The following ANTXR2 variants were observed in gnomAD, a reference collection of about 807,000 sequenced individuals.
ANTXR2 encodes the protein ANTXR cell adhesion molecule 2.
Under a neutral mutation model 73.7 loss-of-function variants are expected in ANTXR2, and 44 were observed. The observed-to-expected ratio is 0.60, with a 90% CI of 0.47 to 0.77. ANTXR2 has a LOEUF of 0.77. ANTXR2 is among the 30% of genes least tolerant of loss of function. The probability of loss-of-function intolerance (pLI) is 0.00; values close to 1 mark genes in which losing one functional copy is unlikely to be tolerated. For missense variants in ANTXR2, 604 were observed against 592.5 expected, an observed-to-expected ratio of 1.02 and a Z score of -0.20; for synonymous variants, 217 against 205.9, an observed-to-expected ratio of 1.05 and a Z score of -0.46.
At chr4:80,063,105 C>T (rs945796999) in intron 3 of ANTXR2, among the ~76,000 whole-genome samples, 4 of 152,126 alleles carry the variant, frequency 2.6e-5, no homozygotes, top group Admixed American at 6.5e-5. Flanking sequence ...GTTATAAATA[C>T]CCATTGTGTT....
chr4:80,056,053 G>A (rs1436988990), intron 3 of ANTXR2, 40 bp from the exon 4 acceptor site: 2 of 1,376,732 alleles, frequency 1.5e-6, no homozygotes, highest in Admixed American at 2.5e-5. Flanking sequence ...TGAGCAAAGA[G>A]CAAAGGTAAC....
At chr4:79,948,756 A>G (rs1309112907) in intron 16 of ANTXR2, among the ~76,000 whole-genome samples, 1 of 152,122 alleles carries the variant, frequency 6.6e-6, no homozygotes, top group Non-Finnish European at 1.5e-5. Context: ...AATGCAAAGA[A>G]GGAGAAGGAA....
chr4:79,977,672 C>A lies in ANTXR2; in HGVS notation c.1377G>T (p.Leu459Phe). ...KGRLDALWAL[L>F]RRQYDRVSLM... is the part of the protein sequence containing the mutation. ...AAGAAACCCGGTCATACTGCCGCCTCAACAAAGCCCAGAGAGCATCAAGAC... is the reference window on the plus strand; with the variant it reads ...AAGAAACCCGGTCATACTGCCGCCTAAACAAAGCCCAGAGAGCATCAAGAC... The change falls in exon 16 of 17, where the codon TTG becomes TTT. Residue 459 changes from leucine to phenylalanine, a missense_variant. Physicochemically the swap from Leu to Phe is conservative, Grantham distance 22. Transcript: ENST00000403729. The A allele has an allele frequency of 3.2e-6, 5 of 1,580,684 alleles. No homozygotes were observed. Among genetic ancestry groups the A allele is most frequent in the Admixed American group, 1.8e-5 (1 of 55,014 alleles).
At position 80,055,232 on chromosome 4, in the gene ANTXR2, G is replaced by T. The variant is rs746734629; in HGVS notation, c.487-14C>A. On this transcript the variant is annotated splice_polypyrimidine_tract_variant and intron_variant, in intron 5 of 16. Transcript: ENST00000403729. The stretch of plus-strand genomic sequence containing the variant: ...GGATATCTTTGCCTATGGAGAATGA[G>T]GAGGGAAAGAGAGAAAAAAAGAGAG... The T allele has an allele frequency of 6.4e-7, 1 of 1,563,458 alleles. No homozygotes were observed. Among genetic ancestry groups the T allele is most frequent in the South Asian group, 1.2e-5 (1 of 85,426 alleles).
intron 16 of ANTXR2, among the ~76,000 whole-genome samples, chr4:79,953,696 TC>T (rs1728787955): frequency 6.6e-6 from 1 of 152,084 alleles, no homozygotes; most frequent in African/African-American, 2.4e-5. Context: ...TAATTATATT[TC>T]TTTTTTTTAA....
At chr4:79,950,497 C>A (rs991531987) in intron 16 of ANTXR2, among the ~76,000 whole-genome samples, 2 of 152,190 alleles carry the variant, frequency 1.3e-5, no homozygotes, top group Non-Finnish European at 2.9e-5. Context: ...ACTATTTCTT[C>A]TTTCCCCTCT....
intron 16 of ANTXR2, among the ~76,000 whole-genome samples, chr4:79,943,572 CTG>C (rs955208095): frequency 2.5e-5 from 2 of 80,124 alleles, no homozygotes; most frequent in Non-Finnish European, 4.6e-5. Flanking sequence ...ATATCACACT[CTG>C]GGGACTGTGG....
chr4:80,006,867 G>T (rs1731325464), intron 12 of ANTXR2, among the ~76,000 whole-genome samples: 1 of 152,082 alleles, frequency 6.6e-6, no homozygotes, highest in South Asian at 2.1e-4. Flanking sequence ...AAAAGGAGGG[G>T]AAATGCACCA....
intron 7 of ANTXR2, among the ~76,000 whole-genome samples, chr4:80,048,428 C>T (rs961615254): frequency 1.3e-5 from 2 of 151,674 alleles, no homozygotes; most frequent in Admixed American, 6.6e-5. Context: ...GTTATTCTTA[C>T]ATTATAGCCA....
At position 80,015,875 on chromosome 4, in the gene ANTXR2, GGAA is replaced by G. The variant is rs1560993478; in HGVS notation, c.945+3020_945+3022del. On this transcript the variant is annotated intron_variant, in intron 11 of 16. Transcript: ENST00000403729. ...GGACAGGAAAGGAAAGGAAAGGAAA[GGAA>G]AGGAAAGGAAAGGAAAGGAAAGGAA... 6.5e-4 allele frequency among the ~76,000 whole-genome samples: 32 copies of G among 49,282 alleles called. 1 individual carries two copies. The highest frequency in any genetic ancestry group is 5.9e-3 in the Middle Eastern group (1 of 170). 32.3% of individuals were successfully genotyped at this position (49,282 alleles called of 152,430 possible).
At chr4:79,935,180 T>C (rs1048387206) in intron 16 of ANTXR2, among the ~76,000 whole-genome samples, 2 of 151,386 alleles carry the variant, frequency 1.3e-5, no homozygotes, top group East Asian at 3.9e-4. Flanking sequence ...ATATGACCTC[T>C]ACAAAGGTGG....
At chr4:79,981,603 TATC>T (rs1212365095) in intron 14 of ANTXR2, among the ~76,000 whole-genome samples, 1 of 152,282 alleles carries the variant, frequency 6.6e-6, no homozygotes, top group Non-Finnish European at 1.5e-5. Flanking sequence ...CTCCCCAAGA[TATC>T]ATATTAAGTA....
intron 16 of ANTXR2, among the ~76,000 whole-genome samples, chr4:79,949,008 C>T (rs1032206351): frequency 6.6e-6 from 1 of 152,086 alleles, no homozygotes; most frequent in Non-Finnish European, 1.5e-5. Context: ...GATAAAGAGA[C>T]TCTAAATCCA....
chr4:80,020,103 C>T (rs1056155091), intron 10 of ANTXR2, among the ~76,000 whole-genome samples: 1 of 152,154 alleles, frequency 6.6e-6, no homozygotes, highest in South Asian at 2.1e-4. Flanking sequence ...ACAGGGTAGG[C>T]ATGGTGGCTC....
intron 16 of ANTXR2, among the ~76,000 whole-genome samples, chr4:79,955,258 C>A (rs1461827097): frequency 6.6e-6 from 1 of 152,092 alleles, no homozygotes; most frequent in Non-Finnish European, 1.5e-5. Context: ...CCCTTACTCT[C>A]TTTCATATGC....
chr4:80,032,754 C>G (rs547665929), intron 9 of ANTXR2, among the ~76,000 whole-genome samples: 2 of 151,854 alleles, frequency 1.3e-5, no homozygotes, highest in African/African-American at 2.4e-5. Flanking sequence ...TATAGATACT[C>G]AAGATGCTCA....
chr4:79,982,207 G>A (rs766081422), intron 14 of ANTXR2, among the ~76,000 whole-genome samples: 5 of 152,082 alleles, frequency 3.3e-5, no homozygotes, highest in African/African-American at 7.2e-5. Flanking sequence ...TATTTTACAT[G>A]AGTGAATTTC....
rs1734869379 is a variant in ANTXR2 at position 80,072,681 on chromosome 4, C to A, written c.-121G>T. ...GGTGGGGGGCGGCGAGCAGCTGAGACGCCGGCGCCTGCGGCAGCGGGACCC... is the reference window on the plus strand; with the variant it reads ...GGTGGGGGGCGGCGAGCAGCTGAGAAGCCGGCGCCTGCGGCAGCGGGACCC... On this transcript the variant is annotated 5_prime_UTR_variant, in exon 1 of 17. Transcript: ENST00000403729. 1 of 1,338,252 alleles carries A rather than the reference C, an allele frequency of 7.5e-7. No homozygotes were observed. The highest frequency in any genetic ancestry group is 9.5e-7 in the Non-Finnish European group (1 of 1,048,740). The allele number at this position is 1,338,252 out of a possible 1,614,324, so 82.9% of individuals were successfully genotyped here. A position where few individuals can be genotyped will look rare whatever the true frequency, so the allele number is the denominator to read the frequency against.
chr4:79,909,783 G>C (rs1727053827), intron 16 of ANTXR2, among the ~76,000 whole-genome samples: 1 of 152,082 alleles, frequency 6.6e-6, no homozygotes, highest in Admixed American at 6.6e-5. Context: ...TTTATCAACA[G>C]CTGATAATGT....
Sources: allele counts gnomAD v4.1 joint callset (sites outside exome capture counted in the v4.1 genomes callset), GRCh38; gene constraint gnomAD v4.1.1; transcripts MANE v1.5; gene names NCBI Gene and HGNC (gene_info 2026-07-23, HGNC 2026-07-21).